ZGRF1: variants seen among roughly 807,000 people sequenced by gnomAD.
ZGRF1 encodes the protein zinc finger GRF-type containing 1.
In ZGRF1, 196 loss-of-function variants were observed where a neutral mutation model predicts 203.5. The observed-to-expected ratio is 0.96, with a 90% CI of 0.86 to 1.08. The LOEUF is 1.08. Ranked by LOEUF, ZGRF1 falls within the 50% of genes least tolerant of loss-of-function variation. The probability of loss-of-function intolerance (pLI) is 0.00; values close to 1 mark genes in which losing one functional copy is unlikely to be tolerated. For missense variants in ZGRF1, 2,326 were observed against 2,416.3 expected, an observed-to-expected ratio of 0.96 and a Z score of 0.78; for synonymous variants, 809 against 841.3, an observed-to-expected ratio of 0.96 and a Z score of 0.66.
At chr4:112,565,499 CA>C in intron 16 of ZGRF1, 1 of 630,566 alleles carries the variant, frequency 1.6e-6, no homozygotes, top group Non-Finnish European at 2.7e-6. Flanking sequence ...ATTTTTTTTC[CA>C]TGGGGTCAAA....
chr4:112,565,629 T>C (rs943498538), intron 16 of ZGRF1, among the ~76,000 whole-genome samples: 1 of 151,972 alleles, frequency 6.6e-6, no homozygotes, highest in African/African-American at 2.4e-5. Flanking sequence ...GAATCTACGA[T>C]GAACTCCAAC....
In ZGRF1 at chr4:112,587,573, T is replaced by C. The variant is rs1578371240; in HGVS notation, c.3484A>G (p.Arg1162Gly). Residue 1162 changes from arginine to glycine, a missense_variant, in exon 12 of 28, where the codon AGA (arginine) becomes GGA (glycine). Physicochemically the swap from Arg to Gly is moderately radical, Grantham distance 125. Transcript: ENST00000505019. Reference sequence around the variant, plus strand: ...CCATCAGTTATTCTCTTATCAACTCTGTTTGGAGTAGCCACGTTGCATTGG... The same window carrying C: ...CCATCAGTTATTCTCTTATCAACTCCGTTTGGAGTAGCCACGTTGCATTGG... ...TSQCNVATPN[R>G]VDKRITDGFF... 1 of 1,613,946 alleles carries C rather than the reference T, an allele frequency of 6.2e-7. No individual in the cohort carries two copies. Among genetic ancestry groups the C allele is most frequent in the Non-Finnish European group, 8.5e-7 (1 of 1,179,856 alleles).
At position 112,562,385 on chromosome 4, in the gene ZGRF1, C is replaced by A. The variant is rs767403845; in HGVS notation, c.4683G>T (p.Gln1561His). The A allele has an allele frequency of 1.9e-6, 3 of 1,595,454 alleles. No individual in the cohort carries two copies. Among genetic ancestry groups the A allele is most frequent in the Non-Finnish European group, 2.6e-6 (3 of 1,165,594 alleles). The change falls in exon 18 of 28, where the codon CAG becomes CAT. Residue 1561 changes from glutamine (Q) to histidine (H), a missense_variant. Physicochemically the swap from Gln to His is conservative, Grantham distance 24 (BLOSUM62 0). Transcript: ENST00000505019. Reference sequence around the variant, plus strand: ...AAATGACTTACGTTGTTAACAGGTACTGTGTTAGAGGTAGAGTAGCTGGAT... The same window carrying A: ...AAATGACTTACGTTGTTAACAGGTAATGTGTTAGAGGTAGAGTAGCTGGAT... ...YFNPATLPLT[Q>H]YLLTTSSPTI...
At chr4:112,583,834 C>T in intron 15 of ZGRF1, 144 bp downstream of exon 15, 1 of 520,364 alleles carries the variant, frequency 1.9e-6, no homozygotes, top group Non-Finnish European at 3.3e-6. Flanking sequence ...AGACTTATTC[C>T]CATTTTGCAG....
chr4:112,584,267 C>G, intron 14 of ZGRF1, 93 bp from the exon 15 acceptor site: 1 of 714,004 alleles, frequency 1.4e-6, no homozygotes, highest in Non-Finnish European at 2.2e-6. Flanking sequence ...ATGAAGACTG[C>G]TTGGCATTAC....
chr4:112,574,221 A>C (rs1744732857), intron 16 of ZGRF1, among the ~76,000 whole-genome samples: 1 of 152,252 alleles, frequency 6.6e-6, no homozygotes. Flanking sequence ...AGAAACCCAA[A>C]CAACAATGAA....
intron 24 of ZGRF1, among the ~76,000 whole-genome samples, chr4:112,542,618 T>C (rs1578643292): frequency 6.6e-6 from 1 of 152,256 alleles, no homozygotes; most frequent in East Asian, 1.9e-4. Context: ...TTTTTCTTTC[T>C]TTTTTGAGAC....
At chr4:112,630,394 T>C (rs759118442) in intron 3 of ZGRF1, among the ~76,000 whole-genome samples, 2 of 152,026 alleles carry the variant, frequency 1.3e-5, no homozygotes, top group African/African-American at 2.4e-5. Context: ...TGCAAGTGCC[T>C]GTAATCTCAG....
At chr4:112,581,505 G>T (rs1746247017) in intron 16 of ZGRF1, among the ~76,000 whole-genome samples, 158 bp downstream of exon 16, 1 of 150,674 alleles carries the variant, frequency 6.6e-6, no homozygotes. Flanking sequence ...TTTAGAAGTG[G>T]TCTAATTTAT....
Position 112,614,802 on chromosome 4 carries a change from G to A in ZGRF1, c.2603-2214C>T, listed in dbSNP as rs577578388. On this transcript the variant is annotated intron_variant, in intron 6 of 27. Transcript: ENST00000505019. The stretch of plus-strand genomic sequence containing the variant: ...AGATCGCGCCACTGCACTCCAGCCT[G>A]GGCAACAGAGCGAGACTCTGTGTCA... Among the ~76,000 whole-genome samples, 5 of 152,008 alleles carry A rather than the reference G, an allele frequency of 3.3e-5. No individual in the cohort carries two copies. In the South Asian group the frequency reaches 1.0e-3, roughly 32 times the overall value.
Position 112,574,319 on chromosome 4 carries a change from A to G in ZGRF1, c.4438+7344T>C, listed in dbSNP as rs147692935. Reference sequence around the variant, plus strand: ...CTAGATTTGAGAACAACATGGATAAATTGTAGCAACATACTAACCAAAAAA... The same window carrying G: ...CTAGATTTGAGAACAACATGGATAAGTTGTAGCAACATACTAACCAAAAAA... On this transcript the variant is annotated intron_variant, in intron 16 of 27. Transcript: ENST00000505019. Among the ~76,000 whole-genome samples the G allele has an allele frequency of 5.3e-3, 802 of 152,332 alleles. 13 individuals carry two copies. The highest frequency in any genetic ancestry group is 0.017 in the African/African-American group (714 of 41,576).
chr4:112,612,844 G>C (rs1283409855), intron 6 of ZGRF1, among the ~76,000 whole-genome samples: 2 of 151,986 alleles, frequency 1.3e-5, no homozygotes, highest in Admixed American at 6.6e-5. Context: ...TCAATAGTAG[G>C]AATGTTTCCT....
chr4:112,571,693 T>G (rs866530066), intron 16 of ZGRF1, among the ~76,000 whole-genome samples: 1 of 152,162 alleles, frequency 6.6e-6, no homozygotes, highest in Non-Finnish European at 1.5e-5. Flanking sequence ...CCCTAAATCT[T>G]GGTATTTTAA....
chr4:112,596,888 C>T (rs1749110511), intron 10 of ZGRF1, among the ~76,000 whole-genome samples: 1 of 152,018 alleles, frequency 6.6e-6, no homozygotes, highest in Non-Finnish European at 1.5e-5. Flanking sequence ...TGGGAGGCCA[C>T]TGTGCATGGC....
intron 4 of ZGRF1, among the ~76,000 whole-genome samples, chr4:112,622,856 T>C (rs1321107292): frequency 1.3e-5 from 2 of 152,204 alleles, no homozygotes; most frequent in Admixed American, 6.5e-5. Context: ...GGAGTACATG[T>C]GCAGGTTTGT....
chr4:112,544,331 G>T (rs1738311325), intron 24 of ZGRF1, among the ~76,000 whole-genome samples: 1 of 152,056 alleles, frequency 6.6e-6, no homozygotes, highest in African/African-American at 2.4e-5. Context: ...ATGCAACAAA[G>T]AAAGATTTAC....
chr4:112,627,468 C>T (rs1253240765), intron 3 of ZGRF1, among the ~76,000 whole-genome samples: 1 of 152,140 alleles, frequency 6.6e-6, no homozygotes, highest in Non-Finnish European at 1.5e-5. Flanking sequence ...TAGCCGGGCA[C>T]GGTGGCTCAT....
chr4:112,563,777 T>C (rs1742465993), intron 16 of ZGRF1, among the ~76,000 whole-genome samples: 1 of 152,220 alleles, frequency 6.6e-6, no homozygotes, highest in Non-Finnish European at 1.5e-5. Flanking sequence ...ATAGCAGTTC[T>C]GGAAGCTAAA....
At chr4:112,545,741 A>C (rs988025855) in intron 24 of ZGRF1, among the ~76,000 whole-genome samples, 1 of 152,222 alleles carries the variant, frequency 6.6e-6, no homozygotes, top group African/African-American at 2.4e-5. Flanking sequence ...CTATCAACAG[A>C]AATGTAGTAC....
Sources: allele counts gnomAD v4.1 joint callset (sites outside exome capture counted in the v4.1 genomes callset), GRCh38; gene constraint gnomAD v4.1.1; transcripts MANE v1.5; gene names NCBI Gene and HGNC (gene_info 2026-07-23, HGNC 2026-07-21).